The following MAML2 variants were observed in gnomAD, a reference collection of about 807,000 sequenced individuals.
The protein encoded by MAML2 is mastermind-like protein 2.
In MAML2, 22 loss-of-function variants were observed where a neutral mutation model predicts 96.1. The observed-to-expected ratio is 0.23, with a 90% CI of 0.16 to 0.33. The LOEUF (loss-of-function observed/expected upper bound fraction) is 0.33. Ranked by LOEUF, MAML2 falls within the 10% of genes least tolerant of loss-of-function variation. The pLI is 1.00. For missense variants in MAML2, 1,367 were observed against 1,392.4 expected (o/e 0.98, Z 0.29); for synonymous variants, 561 against 521.3 (o/e 1.08, Z -1.04).
chr11:96,141,725 A>G (rs548534217), intron 1 of MAML2, among the ~76,000 whole-genome samples: 1 of 152,368 alleles, frequency 6.6e-6, no homozygotes, highest in East Asian at 1.9e-4. Flanking sequence ...GACACAGGGC[A>G]TAAAACAAAC....
intron 1 of MAML2, among the ~76,000 whole-genome samples, chr11:96,166,146 C>CTG (rs1355701991): frequency 3.8e-4 from 47 of 122,080 alleles, no homozygotes; most frequent in Admixed American, 1.6e-3. Context: ...GTCTCTCTCT[C>CTG]TCTGTCTGTC....
chr11:96,163,218 T>G (rs1861141748), intron 1 of MAML2, among the ~76,000 whole-genome samples: 1 of 152,190 alleles, frequency 6.6e-6, no homozygotes, highest in African/African-American at 2.4e-5. Context: ...CAAGAAAAAG[T>G]TGGCAGTTGC....
chr11:96,160,631 T>C (rs1284449361), intron 1 of MAML2, among the ~76,000 whole-genome samples: 3 of 152,162 alleles, frequency 2.0e-5, no homozygotes, highest in Admixed American at 6.5e-5. Flanking sequence ...TTTTGCCATA[T>C]TGGCCAGGCT....
chr11:96,004,588 C>T (rs531858350), intron 2 of MAML2, among the ~76,000 whole-genome samples: 1 of 152,080 alleles, frequency 6.6e-6, no homozygotes, highest in South Asian at 2.1e-4. Context: ...CATGTGATAT[C>T]CCATGAGAAT....
chr11:96,047,091 T>C (rs1265995282), intron 2 of MAML2, among the ~76,000 whole-genome samples: 1 of 152,200 alleles, frequency 6.6e-6, no homozygotes, highest in Non-Finnish European at 1.5e-5. Flanking sequence ...TCTTTTTACA[T>C]GTCTAAGTTT....
intron 1 of MAML2, among the ~76,000 whole-genome samples, chr11:96,176,646 G>A (rs1861392414): frequency 6.6e-6 from 1 of 152,084 alleles, no homozygotes; most frequent in African/African-American, 2.4e-5. Context: ...TCGAAGCCTA[G>A]TCTTGTTGTA....
chr11:96,004,954 A>G (rs189748135), intron 2 of MAML2, among the ~76,000 whole-genome samples: 1 of 152,270 alleles, frequency 6.6e-6, no homozygotes, highest in East Asian at 1.9e-4. Flanking sequence ...CTGCCTCCTG[A>G]CAGGGATTAG....
chr11:96,286,891 A>G (rs1348768495), intron 1 of MAML2, among the ~76,000 whole-genome samples: 1 of 152,218 alleles, frequency 6.6e-6, no homozygotes, highest in East Asian at 1.9e-4. Flanking sequence ...TTATATTTAC[A>G]TGGTCACCAT....
intron 1 of MAML2, among the ~76,000 whole-genome samples, chr11:96,134,909 C>T (rs1474257813): frequency 2.0e-5 from 3 of 152,212 alleles, no homozygotes; most frequent in Non-Finnish European, 1.5e-5. Context: ...ACATCCAGAG[C>T]TTCTGCAGTT....
chr11:96,063,716 G>T (rs1859203374), intron 2 of MAML2, among the ~76,000 whole-genome samples: 1 of 152,134 alleles, frequency 6.6e-6, no homozygotes, highest in Admixed American at 6.5e-5. Context: ...TTTTTATGGA[G>T]CTATATTGTT....
At chr11:96,120,208 C>A (rs10831488) in intron 1 of MAML2, among the ~76,000 whole-genome samples, 46,604 of 152,044 alleles carry the variant, frequency 0.31, 7,400 homozygotes, top group Middle Eastern at 0.39. Flanking sequence ...CCGCCCTCCT[C>A]GGCCTCCCAA....
intron 4 of MAML2, among the ~76,000 whole-genome samples, chr11:95,982,197 G>A (rs1280167983): frequency 3.3e-5 from 5 of 152,192 alleles, no homozygotes; most frequent in African/African-American, 9.7e-5. Flanking sequence ...CCACTTGAGT[G>A]TCAGCAGTTG....
chr11:96,168,185 G>C (rs1861222766), intron 1 of MAML2, among the ~76,000 whole-genome samples: 1 of 152,146 alleles, frequency 6.6e-6, no homozygotes, highest in Non-Finnish European at 1.5e-5. Flanking sequence ...TCCGTTGAAT[G>C]AATATAACAG....
At chr11:96,083,026 T>C (rs1007645380) in intron 2 of MAML2, among the ~76,000 whole-genome samples, 10 of 152,298 alleles carry the variant, frequency 6.6e-5, no homozygotes, top group African/African-American at 2.4e-4. Flanking sequence ...CAATGATTGA[T>C]GGAATACATC....
chr11:96,201,359 C>T lies in MAML2; in HGVS notation c.514-107842G>A, dbSNP rs991652791. 2.0e-5 allele frequency among the ~76,000 whole-genome samples: 3 copies of T among 152,146 alleles called. No homozygotes were observed. In the East Asian group the frequency reaches 5.8e-4, roughly 29 times the overall value. The stretch of plus-strand genomic sequence containing the variant: ...AGGACCGTTCCCTCCCCAATTATAA[C>T]AGCATTTTGCCATGTACAATTCCAT... On this transcript the variant is annotated intron_variant, in intron 1 of 4. Coordinates refer to ENST00000524717, the MANE Select transcript of MAML2 (RefSeq NM_032427.4).
At chr11:96,200,256 C>T (rs1861799088) in intron 1 of MAML2, among the ~76,000 whole-genome samples, 1 of 152,148 alleles carries the variant, frequency 6.6e-6, no homozygotes. Flanking sequence ...TCTTAATGTT[C>T]TAGATAACTT....
At chr11:96,251,754 C>T (rs1283968131) in intron 1 of MAML2, among the ~76,000 whole-genome samples, 6 of 142,864 alleles carry the variant, frequency 4.2e-5, no homozygotes, top group Non-Finnish European at 9.1e-5. Context: ...TTTTTTGAGA[C>T]GGAGTCTCAC....
rs1419238193 is a variant in MAML2 at position 96,063,643 on chromosome 11, G to T, written c.2139+28249C>A. Among the ~76,000 whole-genome samples the T allele has an allele frequency of 8.5e-5, 13 of 152,306 alleles. No homozygotes were observed. The South Asian group carries it at 2.7e-3, about 32-fold the overall frequency. On this transcript the variant is annotated intron_variant, in intron 2 of 4. Transcript: ENST00000524717. The stretch of plus-strand genomic sequence containing the variant: ...GAGGCAATCAAATCTTAGAGAGGTT[G>T]CTAATTGCCCAGGATACCTAGCTCC...
At chr11:96,209,613 C>T (rs1025772911) in intron 1 of MAML2, among the ~76,000 whole-genome samples, 3 of 68,662 alleles carry the variant, frequency 4.4e-5, no homozygotes, top group African/African-American at 4.8e-5. Context: ...AACAAAAAAG[C>T]AAAGTATCAA....
Sources: allele counts gnomAD v4.1 joint callset (sites outside exome capture counted in the v4.1 genomes callset), GRCh38; gene constraint gnomAD v4.1.1; transcripts MANE v1.5; gene names NCBI Gene and HGNC (gene_info 2026-07-23, HGNC 2026-07-21).